The following ABHD17B variants were observed in gnomAD, a reference collection of about 807,000 sequenced individuals.
The protein encoded by ABHD17B is abhydrolase domain containing 17B, depalmitoylase, also known as alpha/beta hydrolase domain-containing protein 17B.
A neutral mutation model predicts 26.2 loss-of-function variants in ABHD17B; 9 were observed. The ratio of observed to expected loss-of-function variants is 0.34; its 90% confidence interval spans 0.21 to 0.60. ABHD17B has a LOEUF of 0.60. Ranked by LOEUF, ABHD17B falls within the 20% of genes least tolerant of loss-of-function variation. The pLI is 0.80. For synonymous variants in ABHD17B, 127 were observed against 122.3 expected (o/e 1.04, Z -0.25); for missense variants, 224 against 352.1 (o/e 0.64, Z 2.91).
At chr9:71,895,277 T>C (rs971166078) in intron 1 of ABHD17B, among the ~76,000 whole-genome samples, 17 of 152,228 alleles carry the variant, frequency 1.1e-4, no homozygotes, top group Admixed American at 6.5e-5. Flanking sequence ...GTTTAACTTA[T>C]GCAAGACCAC....
chr9:71,879,287 G>A (rs534250835), intron 1 of ABHD17B, among the ~76,000 whole-genome samples: 4 of 152,242 alleles, frequency 2.6e-5, no homozygotes, highest in African/African-American at 9.6e-5. Context: ...GAGCAAGGAG[G>A]GTGAAGACAA....
At chr9:71,863,356 C>T (rs143087348), downstream of ABHD17B, among the ~76,000 whole-genome samples, 6 of 152,284 alleles carry the variant, frequency 3.9e-5, no homozygotes, top group East Asian at 1.2e-3. Context: ...CCATTAATTT[C>T]TAGTGAGAAA....
At chr9:71,887,293 T>C (rs554040644) in intron 1 of ABHD17B, among the ~76,000 whole-genome samples, 29 of 150,940 alleles carry the variant, frequency 1.9e-4, no homozygotes, top group Non-Finnish European at 3.7e-4. Flanking sequence ...ACTATCCTAG[T>C]AAAAAAAAAG....
intron 1 of ABHD17B, among the ~76,000 whole-genome samples, chr9:71,889,510 T>C (rs1406466454): frequency 2.0e-5 from 3 of 152,044 alleles, no homozygotes; most frequent in African/African-American, 7.2e-5. Flanking sequence ...AGACATATCT[T>C]AAAAGAGACT....
intron 1 of ABHD17B, among the ~76,000 whole-genome samples, chr9:71,879,513 T>C (rs1826378936): frequency 6.6e-6 from 1 of 152,186 alleles, no homozygotes; most frequent in Admixed American, 6.5e-5. Context: ...AAAATGATAG[T>C]GCAGGGCACA....
chr9:71,887,327 T>C (rs1239900384), intron 1 of ABHD17B, among the ~76,000 whole-genome samples: 1 of 152,170 alleles, frequency 6.6e-6, no homozygotes, highest in Non-Finnish European at 1.5e-5. Flanking sequence ...GAAATGAAGA[T>C]GTTAGATCTA....
intron 1 of ABHD17B, among the ~76,000 whole-genome samples, chr9:71,876,084 C>T (rs1826267766): frequency 6.6e-6 from 1 of 152,050 alleles, no homozygotes; most frequent in Non-Finnish European, 1.5e-5. Context: ...TGTATGTATG[C>T]ATGCATGTAT....
chr9:71,877,141 C>T (rs1216505585), intron 1 of ABHD17B, among the ~76,000 whole-genome samples: 1 of 152,156 alleles, frequency 6.6e-6, no homozygotes, highest in East Asian at 1.9e-4. Context: ...TACAAATTTA[C>T]TATCCTGGTC....
intron 1 of ABHD17B, among the ~76,000 whole-genome samples, chr9:71,885,460 C>A (rs867782766): frequency 2.4e-3 from 295 of 123,856 alleles, no homozygotes; most frequent in Admixed American, 3.4e-3. Flanking sequence ...ACTCTGTCTC[C>A]AAAAAAAAAA....
chr9:71,882,927 C>T (rs549795393), intron 1 of ABHD17B, among the ~76,000 whole-genome samples: 1 of 152,008 alleles, frequency 6.6e-6, no homozygotes, highest in South Asian at 2.1e-4. Flanking sequence ...GGGCAGAACA[C>T]GAGGTCAGGA....
At chr9:71,877,319 C>T (rs908584621) in intron 1 of ABHD17B, among the ~76,000 whole-genome samples, 3 of 152,212 alleles carry the variant, frequency 2.0e-5, no homozygotes, top group African/African-American at 7.2e-5. Context: ...ACCTCATATA[C>T]CATTGACTGC....
chr9:71,885,593 A>G (rs1826584485), intron 1 of ABHD17B, among the ~76,000 whole-genome samples: 1 of 152,166 alleles, frequency 6.6e-6, no homozygotes, highest in South Asian at 2.1e-4. Flanking sequence ...AATTGTATGA[A>G]ATAATAATTT....
rs536161503 is a variant in ABHD17B, at chr9:71,895,376, T to C, written c.-4+15258A>G. Among the ~76,000 whole-genome samples the C allele has an allele frequency of 6.6e-5, 10 of 152,310 alleles. No individual in the cohort carries two copies. In the South Asian group the frequency reaches 1.2e-3, roughly 19 times the overall value. ...TGGAAGCCAAGAAGTTATAACTTCTTAAGGAATTTGACTAGACCAGTACTT... is the reference window on the plus strand; with the variant it reads ...TGGAAGCCAAGAAGTTATAACTTCTCAAGGAATTTGACTAGACCAGTACTT... On this transcript the variant is annotated intron_variant, in intron 1 of 3. Transcript: ENST00000333421.
intron 2 of ABHD17B, among the ~76,000 whole-genome samples, 181 bp from the exon 3 acceptor site, chr9:71,870,443 ATTTCATGTG>A (rs541204674): frequency 1.3e-3 from 205 of 152,290 alleles, no homozygotes; most frequent in African/African-American, 4.3e-3. Flanking sequence ...TCATCAGTTT[ATTTCATGTG>A]TTTCTCTACT....
Position 71,865,647 on chromosome 9 carries a change from G to A in ABHD17B, c.*1140C>T. ...TTGGGAGGCCAAGGGCAGATCATGAGGTCAGGAGTTCAAGACCAGCCTGAT... is the reference window on the plus strand; with the variant it reads ...TTGGGAGGCCAAGGGCAGATCATGAAGTCAGGAGTTCAAGACCAGCCTGAT... On this transcript the variant is annotated 3_prime_UTR_variant, in exon 4 of 4. Coordinates refer to ENST00000333421, the MANE Select transcript of ABHD17B (RefSeq NM_001025780.3). 1 of 865,394 alleles carries A rather than the reference G, an allele frequency of 1.2e-6. No homozygotes were observed. The highest frequency in any genetic ancestry group is 1.4e-6 in the Non-Finnish European group (1 of 720,860). The allele number at this position is 865,394 out of a possible 1,614,324, so 53.6% of individuals were successfully genotyped here.
rs1827222991 is a variant in ABHD17B at position 71,904,310 on chromosome 9, G to C, written c.-4+6324C>G. On this transcript the variant is annotated intron_variant, in intron 1 of 3. Coordinates refer to ENST00000333421, the MANE Select transcript of ABHD17B (RefSeq NM_001025780.3). ...CCCACCCTCCCATTCCCAGAATAGT[G>C]ACTGGTACCCAGTGAACACTGGCCC... Among the ~76,000 whole-genome samples the C allele has an allele frequency of 2.0e-5, 3 of 152,100 alleles. No individual in the cohort carries two copies. In the South Asian group the frequency reaches 6.2e-4, roughly 31 times the overall value.
At chr9:71,905,525 A>C (rs529799133) in intron 1 of ABHD17B, among the ~76,000 whole-genome samples, 1 of 152,166 alleles carries the variant, frequency 6.6e-6, no homozygotes. Context: ...TCTCTCATGC[A>C]TTATGGACTG....
At position 71,889,763 on chromosome 9, in the gene ABHD17B, A is replaced by G. The variant is rs1439212261; in HGVS notation, c.-3-14680T>C. On this transcript the variant is annotated intron_variant, in intron 1 of 3. Transcript: ENST00000333421. ...CACATACATGTACAAAACTGATAAAAAACAAAAAATGACCAAAACAAACAA... is the reference window on the plus strand; with the variant it reads ...CACATACATGTACAAAACTGATAAAGAACAAAAAATGACCAAAACAAACAA... 2.6e-5 allele frequency among the ~76,000 whole-genome samples: 4 copies of G among 151,628 alleles called. No individual in the cohort carries two copies. In the East Asian group the frequency reaches 5.8e-4, roughly 22 times the overall value.
At chr9:71,875,307 C>A (rs1826237071) in intron 1 of ABHD17B, among the ~76,000 whole-genome samples, 2 of 151,216 alleles carry the variant, frequency 1.3e-5, no homozygotes, top group African/African-American at 4.9e-5. Context: ...CTCATCATAA[C>A]CTACGCCTCC....
Sources: allele counts gnomAD v4.1 joint callset (sites outside exome capture counted in the v4.1 genomes callset), GRCh38; gene constraint gnomAD v4.1.1; transcripts MANE v1.5; gene names NCBI Gene and HGNC (gene_info 2026-07-23, HGNC 2026-07-21).